The following COBL variants were observed in gnomAD, a reference collection of about 807,000 sequenced individuals.
COBL encodes the protein protein cordon-bleu.
A neutral mutation model predicts 98.8 loss-of-function variants in COBL; 51 were observed. That is an observed-to-expected ratio of 0.52 (90% CI 0.41 to 0.65). COBL has a LOEUF of 0.65. Among genes scored for constraint, COBL ranks in the 30% least tolerant of loss-of-function variants. The pLI, the probability that COBL is intolerant of heterozygous loss-of-function variation, is 0.00. For synonymous variants in COBL, 634 were observed against 651.7 expected (o/e 0.97, Z 0.41); for missense variants, 1,617 against 1,617.5 (o/e 1.00, Z 0.01).
At chr7:51,280,119 T>C (rs936650533) in intron 1 of COBL, among the ~76,000 whole-genome samples, 2 of 152,094 alleles carry the variant, frequency 1.3e-5, no homozygotes, top group African/African-American at 4.8e-5. Context: ...CTCTGAGAAG[T>C]TGGGATTAGA....
chr7:51,056,285 C>A (rs779002322), intron 7 of COBL, among the ~76,000 whole-genome samples: 2 of 151,644 alleles, frequency 1.3e-5, no homozygotes, highest in Non-Finnish European at 2.9e-5. Flanking sequence ...GGTGGCACAG[C>A]CTGAGTGTGA....
intron 6 of COBL, among the ~76,000 whole-genome samples, chr7:51,124,112 T>A (rs146625592): frequency 1.2e-3 from 181 of 152,294 alleles, no homozygotes; most frequent in Non-Finnish European, 1.9e-3. Flanking sequence ...TATGAGATGA[T>A]GTGCATAAAA....
chr7:51,132,648 C>A (rs1286595139), intron 6 of COBL, among the ~76,000 whole-genome samples: 1 of 152,144 alleles, frequency 6.6e-6, no homozygotes, highest in Non-Finnish European at 1.5e-5. Context: ...TAAAGAAACA[C>A]CTGAGACTGG....
chr7:51,058,589 C>CAACAACAA (rs1791005661), intron 7 of COBL, among the ~76,000 whole-genome samples: 1 of 112,770 alleles, frequency 8.9e-6, no homozygotes. Flanking sequence ...AACAACAACA[C>CAACAACAA]AACCCCCCAA....
chr7:51,021,927 T>G (rs544599511), intron 12 of COBL, among the ~76,000 whole-genome samples: 37 of 152,304 alleles, frequency 2.4e-4, no homozygotes, highest in South Asian at 1.5e-3. Flanking sequence ...AAAGAATGAA[T>G]CATTGGTCCA....
rs202161212 is a variant in COBL at position 51,107,084 on chromosome 7, G to GTT, written c.958-21782_958-21781dup. 5.8e-4 allele frequency among the ~76,000 whole-genome samples: 63 copies of GTT among 109,304 alleles called. 5 individuals carry two copies. The highest frequency in any genetic ancestry group is 1.5e-3 in the East Asian group (5 of 3,268). The allele number at this position is 109,304 out of a possible 152,430, so 71.7% of individuals were successfully genotyped here. A position where few individuals can be genotyped will look rare whatever the true frequency, so the allele number is the denominator to read the frequency against. On this transcript the variant is annotated intron_variant, in intron 6 of 12. Coordinates refer to ENST00000265136, the MANE Select transcript of COBL (RefSeq NM_015198.5). ...ACTTAACACTTTTTTTGTGATCCTAGTTTGTTTGTTTTTTTTTTTTTTTTT... is the reference window on the plus strand; with the variant it reads ...ACTTAACACTTTTTTTGTGATCCTAGTTTTTGTTTGTTTTTTTTTTTTTTTTT...
At chr7:51,155,803 T>A (rs1049409536) in intron 5 of COBL, among the ~76,000 whole-genome samples, 2 of 152,062 alleles carry the variant, frequency 1.3e-5, no homozygotes, top group Non-Finnish European at 2.9e-5. Context: ...TAAGCCCTCC[T>A]GTGTGAATTG....
chr7:51,251,393 G>GTGC (rs1421557968), intron 1 of COBL, among the ~76,000 whole-genome samples: 1 of 152,218 alleles, frequency 6.6e-6, no homozygotes, highest in Non-Finnish European at 1.5e-5. Context: ...AGAGGATTCT[G>GTGC]TGCTGTCGTT....
At chr7:51,308,784 C>T (rs759220787) in intron 1 of COBL, among the ~76,000 whole-genome samples, 14 of 152,214 alleles carry the variant, frequency 9.2e-5, no homozygotes, top group Middle Eastern at 3.4e-3. Flanking sequence ...TAAGTGGAAG[C>T]GGCTGGCTGT....
At chr7:51,109,054 C>A (rs1167831129) in intron 6 of COBL, among the ~76,000 whole-genome samples, 4 of 152,170 alleles carry the variant, frequency 2.6e-5, no homozygotes, top group Non-Finnish European at 5.9e-5. Context: ...TGGCCTCCTG[C>A]CTAGTGTGGC....
rs868630547 is a variant in COBL at position 51,077,046 on chromosome 7, C to A, written c.1096+8120G>T. Among the ~76,000 whole-genome samples, 11 of 152,200 alleles carry A rather than the reference C, an allele frequency of 7.2e-5. No homozygotes were observed. In the Middle Eastern group the frequency reaches 0.014, roughly 188 times the overall value. On this transcript the variant is annotated intron_variant, in intron 7 of 12. Transcript: ENST00000265136. ...TTCAATGCACTAAGGGAATAGGCTCCATTATGGTGATTCACAATGAAGGTT... is the reference window on the plus strand; with the variant it reads ...TTCAATGCACTAAGGGAATAGGCTCAATTATGGTGATTCACAATGAAGGTT...
intron 1 of COBL, among the ~76,000 whole-genome samples, chr7:51,233,641 G>GCT (rs1173431101): frequency 1.3e-5 from 2 of 152,112 alleles, no homozygotes; most frequent in Non-Finnish European, 2.9e-5. Flanking sequence ...TGACTAGCCC[G>GCT]CTCTCCACAC....
chr7:51,226,696 G>A (rs938208982), intron 1 of COBL, among the ~76,000 whole-genome samples: 3 of 152,140 alleles, frequency 2.0e-5, no homozygotes, highest in Non-Finnish European at 4.4e-5. Flanking sequence ...GAGTGCTACC[G>A]CAGCCTGCAG....
chr7:51,301,222 G>T (rs757678052), intron 1 of COBL, among the ~76,000 whole-genome samples: 1 of 152,254 alleles, frequency 6.6e-6, no homozygotes, highest in Middle Eastern at 3.4e-3. Flanking sequence ...TCTGAGACTG[G>T]AGCCTCTGGA....
intron 5 of COBL, among the ~76,000 whole-genome samples, chr7:51,146,636 G>A (rs1785056375): frequency 1.4e-5 from 2 of 141,914 alleles, no homozygotes. Context: ...CTGTGGAGCT[G>A]CTAGTGCAGG....
chr7:51,176,322 A>G (rs1788380435), intron 5 of COBL, among the ~76,000 whole-genome samples: 1 of 152,150 alleles, frequency 6.6e-6, no homozygotes, highest in Non-Finnish European at 1.5e-5. Context: ...AAAATCTGAT[A>G]AGAGACTGAA....
At chr7:51,043,827 A>C in intron 7 of COBL, 135 bp from the exon 8 acceptor site, 1 of 670,340 alleles carries the variant, frequency 1.5e-6, no homozygotes, top group Non-Finnish European at 2.5e-6. Context: ...GAAGAACCTC[A>C]TTCAAATACT....
chr7:51,024,638 T>G (rs796091918), intron 12 of COBL, among the ~76,000 whole-genome samples: 13 of 149,854 alleles, frequency 8.7e-5, no homozygotes, highest in African/African-American at 3.0e-4. Context: ...TAGGCTGGAA[T>G]GCAAGCATGT....
At chr7:51,151,153 T>G (rs541904544) in intron 5 of COBL, among the ~76,000 whole-genome samples, 149 of 150,540 alleles carry the variant, frequency 9.9e-4, no homozygotes, top group Non-Finnish European at 1.9e-3. Context: ...CCCATACTAT[T>G]GTCAAATCCT....
Sources: gnomAD v4.1 joint callset for allele counts (sites outside exome capture counted in the v4.1 genomes callset) on GRCh38, gnomAD v4.1.1 for gene constraint, MANE v1.5 for transcripts, NCBI Gene and HGNC (gene_info 2026-07-23, HGNC 2026-07-21) for gene names.